The following SKA3 variants were observed in gnomAD, a reference collection of about 807,000 sequenced individuals.
SKA3 encodes spindle and kinetochore-associated protein 3.
In SKA3, 39 loss-of-function variants were observed where a neutral mutation model predicts 44.2. That is an observed-to-expected ratio of 0.88 (90% confidence interval 0.68 to 1.15). The LOEUF (loss-of-function observed/expected upper bound fraction) is 1.15, where lower values mean the gene tolerates loss of function less well. Ranked by LOEUF, SKA3 falls within the 50% of genes most tolerant of loss-of-function variation. SKA3 has a pLI of 0.00. For synonymous variants in SKA3, 192 were observed against 172.0 expected, an observed-to-expected ratio of 1.12 and a Z score of -0.91; for missense variants, 511 against 485.8, an observed-to-expected ratio of 1.05 and a Z score of -0.49.
At chr13:21,173,320 G>A (rs577554928) in intron 1 of SKA3, among the ~76,000 whole-genome samples, 11 of 152,224 alleles carry the variant, frequency 7.2e-5, no homozygotes, top group South Asian at 2.1e-4. Context: ...GCAATGGTGC[G>A]ATCTTGGCTC....
intron 4 of SKA3, among the ~76,000 whole-genome samples, chr13:21,166,377 T>C (rs927437067): frequency 6.6e-6 from 1 of 152,188 alleles, no homozygotes; most frequent in Non-Finnish European, 1.5e-5. Flanking sequence ...AAAACTTTAA[T>C]ATATCTGAAA....
In SKA3 at chr13:21,155,087, C is replaced by T. The variant is rs17345383; in HGVS notation, c.*63G>A. The T allele has an allele frequency of 0.062, 99,603 of 1,601,140 alleles. 2,735 individuals are homozygous for T. Among genetic ancestry groups the T allele is most frequent in the Non-Finnish European group, 0.072 (83,762 of 1,171,494 alleles). On this transcript the variant is annotated 3_prime_UTR_variant, in exon 9 of 9. Coordinates refer to ENST00000314759, the MANE Select transcript of SKA3 (RefSeq NM_145061.6). ...GGCAGGGCAATGTGAATGTTAAAAT[C>T]GGTCCAGCTCGGCTTTCATCTCATT...
At chr13:21,157,866 T>C (rs1228498262) in intron 7 of SKA3, 56 bp downstream of exon 7, 2 of 1,094,410 alleles carry the variant, frequency 1.8e-6, no homozygotes, top group African/African-American at 3.3e-5. Context: ...TCTTTAAATA[T>C]TTCATATTGA....
Position 21,176,479 on chromosome 13 carries a change from C to T in SKA3, c.-2G>A. The T allele has an allele frequency of 8.5e-6, 13 of 1,535,822 alleles. No homozygotes were observed. Among genetic ancestry groups the T allele is most frequent in the South Asian group, 1.2e-5 (1 of 82,834 alleles). On this transcript the variant is annotated 5_prime_UTR_variant, in exon 1 of 9. Transcript: ENST00000314759. ...GCAGAAGCTCCGGATAGGGTCCATG[C>T]TGAGCACAGCGGGGAAGGACTCCAG... is the stretch of plus-strand genomic sequence containing the variant.
chr13:21,174,789 C>CAAA (rs1162095534), intron 1 of SKA3, among the ~76,000 whole-genome samples: 3 of 151,636 alleles, frequency 2.0e-5, no homozygotes, highest in South Asian at 2.1e-4. Flanking sequence ...ACAACAACAA[C>CAAA]AAAAAGCGCA....
At chr13:21,165,386 C>A (rs909070532) in intron 4 of SKA3, among the ~76,000 whole-genome samples, 5 of 152,074 alleles carry the variant, frequency 3.3e-5, no homozygotes, top group African/African-American at 1.2e-4. Flanking sequence ...GATGCCTCTG[C>A]ACTCCAACCT....
Position 21,159,983 on chromosome 13 carries a change from G to A in SKA3, c.834C>T (p.Ala278=), listed in dbSNP as rs748873223. Residue 278 remains alanine (A), a synonymous_variant, in exon 6 of 9, where the codon GCC becomes GCT. Transcript: ENST00000314759. The stretch of plus-strand genomic sequence containing the variant: ...GTACCAAAGGAGAGTTGGTATATTC[G>A]GCATCTAAAAGACACATAAAATGGT... ...PIIQQLEKSD[A]EYTNSPLVPT... The A allele has an allele frequency of 1.9e-5, 31 of 1,598,632 alleles. No homozygotes were observed. The African/African-American group carries it at 2.2e-4, about 11-fold the overall frequency.
intron 7 of SKA3, 35 bp from the exon 8 acceptor site, chr13:21,155,846 C>G: frequency 1.1e-6 from 1 of 883,524 alleles, no homozygotes; most frequent in South Asian, 2.0e-5. Context: ...TTTTATCGAG[C>G]CATATGAATA....
chr13:21,156,716 C>T (rs1378552416), intron 7 of SKA3, among the ~76,000 whole-genome samples: 1 of 152,162 alleles, frequency 6.6e-6, no homozygotes, highest in East Asian at 1.9e-4. Context: ...GTGATTTATC[C>T]TTCTCATGGG....
rs190832850 is a variant in SKA3, at chr13:21,171,762, C to A, written c.331+577G>T. ...ACTTTACAAATGAGAAACTGAGGCACAAGGTTAAGTAACTTGACAAAGATA... is the reference window on the plus strand; with the variant it reads ...ACTTTACAAATGAGAAACTGAGGCAAAAGGTTAAGTAACTTGACAAAGATA... On this transcript the variant is annotated intron_variant, in intron 3 of 8. Transcript: ENST00000314759. 1.3e-5 allele frequency among the ~76,000 whole-genome samples: 2 copies of A among 152,198 alleles called. 1 individual carries two copies. The highest frequency in any genetic ancestry group is 1.3e-4 in the Admixed American group (2 of 15,276).
chr13:21,171,324 C>T (rs1188365268), intron 3 of SKA3, among the ~76,000 whole-genome samples: 1 of 152,136 alleles, frequency 6.6e-6, no homozygotes, highest in African/African-American at 2.4e-5. Flanking sequence ...CGCCTGTAGT[C>T]CCAGCACTTT....
chr13:21,172,222 C>T (rs1226912190), intron 3 of SKA3, 117 bp downstream of exon 3: 13 of 644,326 alleles, frequency 2.0e-5, no homozygotes, highest in South Asian at 4.9e-5. Context: ...ATCAAATAAG[C>T]GTCAGATAAC....
At chr13:21,166,893 CAG>C (rs1021587657) in intron 4 of SKA3, among the ~76,000 whole-genome samples, 2 of 151,922 alleles carry the variant, frequency 1.3e-5, no homozygotes, top group African/African-American at 2.4e-5. Flanking sequence ...TTTTTTTCCC[CAG>C]AGTTGTGGGG....
intron 6 of SKA3, among the ~76,000 whole-genome samples, chr13:21,158,477 C>T (rs899752901): frequency 6.6e-6 from 1 of 152,064 alleles, no homozygotes; most frequent in Non-Finnish European, 1.5e-5. Context: ...AAAAAATTAG[C>T]CAGGTGTGGT....
intron 4 of SKA3, among the ~76,000 whole-genome samples, chr13:21,165,066 C>T (rs1282269584): frequency 6.6e-6 from 1 of 151,676 alleles, no homozygotes; most frequent in East Asian, 1.9e-4. Context: ...AAATATTTAT[C>T]TTTTTGATCT....
Position 21,154,851 on chromosome 13 carries a change from GTCC to G in SKA3, c.*296_*298del. On this transcript the variant is annotated 3_prime_UTR_variant, in exon 9 of 9. Coordinates refer to ENST00000314759, the MANE Select transcript of SKA3 (RefSeq NM_145061.6). ...CACCTTTATATTTTTGAAATTACTT[GTCC>G]TACTTCCTGGTACTACTTAAACCAT... The G allele has an allele frequency of 3.9e-6, 2 of 512,990 alleles. No homozygotes were observed. Among genetic ancestry groups the G allele is most frequent in the Middle Eastern group, 5.1e-4 (1 of 1,978 alleles). The allele number at this position is 512,990 out of a possible 1,614,324, so 31.8% of individuals were successfully genotyped here.
chr13:21,157,771 G>A (rs1012128861), intron 7 of SKA3, 151 bp downstream of exon 7: 10 of 584,412 alleles, frequency 1.7e-5, no homozygotes, highest in African/African-American at 1.7e-4. Context: ...ATAAGGTCCT[G>A]ACAGCTCAGA....
chr13:21,158,614 C>T (rs1870266179), intron 6 of SKA3, among the ~76,000 whole-genome samples: 1 of 152,078 alleles, frequency 6.6e-6, no homozygotes, highest in South Asian at 2.1e-4. Context: ...GAGTGAGACT[C>T]CGTCACAAAC....
At chr13:21,165,643 AATG>A (rs1188907633) in intron 4 of SKA3, among the ~76,000 whole-genome samples, 1 of 152,020 alleles carries the variant, frequency 6.6e-6, no homozygotes, top group Non-Finnish European at 1.5e-5. Context: ...GAACATCAAG[AATG>A]ATGTTAGGCT....
Sources: allele counts gnomAD v4.1 joint callset (sites outside exome capture counted in the v4.1 genomes callset), GRCh38; gene constraint gnomAD v4.1.1; transcripts MANE v1.5; gene names NCBI Gene and HGNC (gene_info 2026-07-23, HGNC 2026-07-21).